The following LVRN variants were observed in gnomAD, a reference collection of about 807,000 sequenced individuals.
LVRN encodes the protein laeverin, also known as aminopeptidase Q.
In LVRN, 99 loss-of-function variants were observed where a neutral mutation model predicts 111.4. The ratio of observed to expected loss-of-function variants is 0.89; its 90% CI spans 0.76 to 1.05. The LOEUF (loss-of-function observed/expected upper bound fraction) is 1.05. Ranked by LOEUF, LVRN falls within the 50% of genes least tolerant of loss-of-function variation. The pLI is 0.00. For synonymous variants in LVRN, 488 were observed against 449.5 expected (o/e 1.09, Z -1.08); for missense variants, 1,414 against 1,206.8 (o/e 1.17, Z -2.54).
chr5:115,999,951 T>C, intron 7 of LVRN, 49 bp downstream of exon 7: 1 of 1,554,496 alleles, frequency 6.4e-7, no homozygotes, highest in Admixed American at 2.1e-5. Context: ...GGTAGAAAGT[T>C]GCATAAAATG....
intron 13 of LVRN, 77 bp from the exon 14 acceptor site, chr5:116,010,664 T>C (rs1481239948): frequency 1.4e-6 from 2 of 1,456,482 alleles, no homozygotes; most frequent in Admixed American, 1.9e-5. Flanking sequence ...CATTGAAACA[T>C]GGAACAAATA....
chr5:116,026,353 G>A lies in LVRN; in HGVS notation c.*235G>A, dbSNP rs1203606180. 3 of 516,706 alleles carry A rather than the reference G, an allele frequency of 5.8e-6. No individual in the cohort carries two copies. Among genetic ancestry groups the A allele is most frequent in the South Asian group, 2.2e-5 (1 of 45,662 alleles). The allele number at this position is 516,706 out of a possible 1,614,324, so 32.0% of individuals were successfully genotyped here. A position where few individuals can be genotyped will look rare whatever the true frequency, so the allele number is the denominator to read the frequency against. On this transcript the variant is annotated 3_prime_UTR_variant, in exon 20 of 20. Transcript: ENST00000357872. ...TGGGAAAGATGTCACTTCATGTTGG[G>A]TTATAATCCCACAGAATTTACTTTA...
chr5:115,996,050 A>ATTGT (rs1748102138), intron 6 of LVRN, among the ~76,000 whole-genome samples: 1 of 152,032 alleles, frequency 6.6e-6, no homozygotes, highest in Non-Finnish European at 1.5e-5. Context: ...TGCCTACAAA[A>ATTGT]TTGTTTGTAT....
chr5:115,993,784 G>A lies in LVRN; in HGVS notation c.1304G>A (p.Trp435Ter), dbSNP rs778580648. The A allele has an allele frequency of 1.4e-5, 22 of 1,610,548 alleles. No homozygotes were observed. Among genetic ancestry groups the A allele is most frequent in the Non-Finnish European group, 1.9e-5 (22 of 1,178,922 alleles). ...ACCATGAATTGGTGGAACAATATCT[G>A]GCTCAACGAGGGTTTTGCATCTTAT... ...LVTMNWWNNI[W>*]LNEGFASYFE... is the part of the protein sequence containing the mutation. The change falls in exon 6 of 20, where the codon TGG becomes TAG. Residue 435 changes from tryptophan to a stop codon, truncating the protein, a stop_gained. Transcript: ENST00000357872. LOFTEE classifies it high-confidence loss of function.
At chr5:116,025,785 G>T (rs1748851192) in intron 19 of LVRN, among the ~76,000 whole-genome samples, 193 bp from the exon 20 acceptor site, 1 of 152,170 alleles carries the variant, frequency 6.6e-6, no homozygotes, top group African/African-American at 2.4e-5. Flanking sequence ...CTTCTTTGGG[G>T]TAGGTGTGGT....
At chr5:116,024,256 T>A (rs2112652542) in intron 19 of LVRN, among the ~76,000 whole-genome samples, 1 of 152,226 alleles carries the variant, frequency 6.6e-6, no homozygotes, top group East Asian at 1.9e-4. Flanking sequence ...TTGATTAAAA[T>A]TAAACACCAG....
chr5:116,001,078 CCAGAGTA>C lies in LVRN; in HGVS notation c.1663_1669del (p.Ser555LeufsTer7). Reference sequence around the variant, plus strand: ...ATTTTTTAAAACAGGCCATAGATGACCAGAGTACAGTTATTTTGCCAGCAACAATAAA... The same window carrying C: ...ATTTTTTAAAACAGGCCATAGATGACCAGTTATTTTGCCAGCAACAATAAA... On this transcript the variant is annotated frameshift_variant, in exon 10 of 20. Transcript: ENST00000357872. LOFTEE classifies it high-confidence loss of function. 6.2e-7 allele frequency: 1 copy of C among 1,606,368 alleles called. No individual in the cohort carries two copies. The highest frequency in any genetic ancestry group is 8.5e-7 in the Non-Finnish European group (1 of 1,178,030).
chr5:115,996,581 T>C (rs943724977), intron 6 of LVRN, among the ~76,000 whole-genome samples: 2 of 152,196 alleles, frequency 1.3e-5, no homozygotes, highest in African/African-American at 4.8e-5. Flanking sequence ...AACAGAATCA[T>C]AGACCCTTAT....
At chr5:115,975,116 G>T (rs1753413412) in intron 1 of LVRN, 1 of 399,262 alleles carries the variant, frequency 2.5e-6, no homozygotes, top group South Asian at 2.2e-5. Context: ...GACAAGCATG[G>T]GCTCTTTCAA....
chr5:115,966,880 A>G (rs923952785), intron 1 of LVRN, among the ~76,000 whole-genome samples: 27 of 152,152 alleles, frequency 1.8e-4, no homozygotes, highest in African/African-American at 6.5e-4. Flanking sequence ...TTTAATTTGC[A>G]TGTCTCCAAT....
chr5:115,995,860 G>A (rs1038268039), intron 6 of LVRN, among the ~76,000 whole-genome samples: 2 of 152,156 alleles, frequency 1.3e-5, no homozygotes. Flanking sequence ...TCAATTCCAG[G>A]TCAGGCCAAC....
intron 3 of LVRN, among the ~76,000 whole-genome samples, chr5:115,985,830 G>A (rs1412386425): frequency 1.3e-5 from 2 of 152,158 alleles, no homozygotes; most frequent in African/African-American, 4.8e-5. Context: ...CTATTATAGC[G>A]GGCCTTAGGC....
intron 4 of LVRN, 150 bp downstream of exon 4, chr5:115,988,089 C>T: frequency 9.6e-7 from 1 of 1,039,568 alleles, no homozygotes. Context: ...TGCCTTATAC[C>T]TTCTGAAACA....
Position 115,962,520 on chromosome 5 carries a change from G to A in LVRN, c.-98G>A. The A allele has an allele frequency of 1.8e-6, 2 of 1,081,154 alleles. No homozygotes were observed. The highest frequency in any genetic ancestry group is 1.4e-5 in the South Asian group (1 of 69,462). 67.0% of individuals were successfully genotyped at this position (1,081,154 alleles called of 1,614,324 possible). On this transcript the variant is annotated 5_prime_UTR_variant, in exon 1 of 20. Coordinates refer to ENST00000357872, the MANE Select transcript of LVRN (RefSeq NM_173800.5). ...GGAGGAAGAGGCACGATACAAGAGA[G>A]GAGGGGCAGGGGTCGCAGCACTGAA...
intron 2 of LVRN, among the ~76,000 whole-genome samples, chr5:115,983,656 A>C (rs372652369): frequency 9.2e-5 from 14 of 152,290 alleles, no homozygotes; most frequent in African/African-American, 2.6e-4. Flanking sequence ...TGTTCTTATA[A>C]ATGGGCAGTC....
intron 18 of LVRN, among the ~76,000 whole-genome samples, chr5:116,018,122 G>A (rs111412501): frequency 0.013 from 1,915 of 152,116 alleles, 14 homozygotes; most frequent in Non-Finnish European, 0.021. Flanking sequence ...TTAAAATAAC[G>A]TGTTTATATA....
intron 4 of LVRN, among the ~76,000 whole-genome samples, chr5:115,989,353 A>T (rs1747936966): frequency 6.6e-6 from 1 of 152,058 alleles, no homozygotes; most frequent in East Asian, 1.9e-4. Context: ...TGTCTCCTCC[A>T]GGCTCTTACA....
chr5:115,982,401 C>T (rs572775129), intron 1 of LVRN, among the ~76,000 whole-genome samples: 6 of 152,280 alleles, frequency 3.9e-5, no homozygotes, highest in Non-Finnish European at 7.4e-5. Context: ...GTATCAGAGA[C>T]TTTAAGTCTC....
intron 6 of LVRN, among the ~76,000 whole-genome samples, chr5:115,998,053 T>C (rs190148510): frequency 6.6e-6 from 1 of 152,304 alleles, no homozygotes; most frequent in African/African-American, 2.4e-5. Flanking sequence ...TAGCAATATG[T>C]GCAAAAACGT....
Sources: gnomAD v4.1 joint callset for allele counts (sites outside exome capture counted in the v4.1 genomes callset) on GRCh38, gnomAD v4.1.1 for gene constraint, MANE v1.5 for transcripts, NCBI Gene and HGNC (gene_info 2026-07-23, HGNC 2026-07-21) for gene names.